CSMD3: variants seen among roughly 807,000 people sequenced by gnomAD.
CSMD3 encodes CUB and Sushi multiple domains 3.
Under a neutral mutation model 435.2 loss-of-function variants are expected in CSMD3, and 177 were observed. The ratio of observed to expected loss-of-function variants is 0.41; its 90% CI spans 0.36 to 0.46. The LOEUF is 0.46. Among genes scored for constraint, CSMD3 ranks in the 20% least tolerant of loss-of-function variants. The probability of loss-of-function intolerance (pLI) is 0.34; values close to 1 mark genes in which losing one functional copy is unlikely to be tolerated. For missense variants in CSMD3, 4,265 were observed against 4,504.6 expected (o/e 0.95, Z 1.52); for synonymous variants, 1,656 against 1,520.5 (o/e 1.09, Z -2.07).
intron 31 of CSMD3, among the ~76,000 whole-genome samples, chr8:112,476,144 C>G (rs1819026954): frequency 6.6e-6 from 1 of 152,092 alleles, no homozygotes; most frequent in South Asian, 2.1e-4. Flanking sequence ...CTCCCAGGTT[C>G]AAGAGATTCT....
intron 1 of CSMD3, among the ~76,000 whole-genome samples, chr8:113,326,181 T>C (rs1028501931): frequency 1.6e-4 from 24 of 152,184 alleles, no homozygotes; most frequent in African/African-American, 5.5e-4. Context: ...AATGTTCACA[T>C]CTTAGACTCC....
At chr8:112,745,998 G>A (rs1156677009) in intron 13 of CSMD3, among the ~76,000 whole-genome samples, 1 of 151,974 alleles carries the variant, frequency 6.6e-6, no homozygotes, top group Admixed American at 6.6e-5. Flanking sequence ...ATGATCAAAC[G>A]GCAGTTGACA....
At chr8:112,766,192 A>T (rs1273436507) in intron 13 of CSMD3, among the ~76,000 whole-genome samples, 1 of 151,820 alleles carries the variant, frequency 6.6e-6, no homozygotes, top group Non-Finnish European at 1.5e-5. Flanking sequence ...AAACAAAGTA[A>T]CTTCAAAAAA....
In CSMD3 at chr8:112,366,669, A is replaced by T. The variant is rs1827809983; in HGVS notation, c.6136+13683T>A. On this transcript the variant is annotated intron_variant, in intron 38 of 70. Coordinates refer to ENST00000297405, the MANE Select transcript of CSMD3 (RefSeq NM_198123.2). ...CGCCTTGGCCTCCCAAAGTGCTGGG[A>T]TTACAGGTGTGAGCCACCACACCCA... Among the ~76,000 whole-genome samples the T allele has an allele frequency of 1.3e-5, 2 of 152,174 alleles. 1 individual carries two copies. Among genetic ancestry groups the T allele is most frequent in the South Asian group, 4.1e-4 (2 of 4,826 alleles).
chr8:112,498,779 G>T (rs1023371665), intron 30 of CSMD3, among the ~76,000 whole-genome samples: 6 of 151,820 alleles, frequency 4.0e-5, no homozygotes, highest in Non-Finnish European at 8.8e-5. Flanking sequence ...CTTTCAGCTT[G>T]CAGGTATAAG....
rs557495900 is a variant in CSMD3, at chr8:112,373,818, G to A, written c.6136+6534C>T. Among the ~76,000 whole-genome samples the A allele has an allele frequency of 2.0e-4, 31 of 152,248 alleles. 1 individual carries two copies. The South Asian group carries it at 6.4e-3, about 32-fold the overall frequency. ...GGAATCGATGTGGTGCTTGGGTAGA[G>A]GGCACTGTATTCGCTGGAGTTTCTG... On this transcript the variant is annotated intron_variant, in intron 38 of 70. Coordinates refer to ENST00000297405, the MANE Select transcript of CSMD3 (RefSeq NM_198123.2).
At chr8:112,756,608 ACAAT>A (rs1465308753) in intron 13 of CSMD3, among the ~76,000 whole-genome samples, 11 of 152,160 alleles carry the variant, frequency 7.2e-5, no homozygotes, top group Non-Finnish European at 1.2e-4. Context: ...TTCTTAGAAA[ACAAT>A]CAGTTAATAA....
chr8:112,651,833 G>A (rs1010597197), intron 18 of CSMD3, among the ~76,000 whole-genome samples: 36 of 151,504 alleles, frequency 2.4e-4, no homozygotes, highest in Non-Finnish European at 2.9e-5. Flanking sequence ...ACTGCACCTG[G>A]CCAGCACCCA....
chr8:113,243,743 T>C (rs1388235249), intron 3 of CSMD3, among the ~76,000 whole-genome samples: 1 of 152,176 alleles, frequency 6.6e-6, no homozygotes, highest in Non-Finnish European at 1.5e-5. Context: ...TGCACAAGGA[T>C]TCCAATTTCT....
intron 1 of CSMD3, among the ~76,000 whole-genome samples, chr8:113,355,749 T>TATATATATACAC (rs1357514892): frequency 5.7e-4 from 46 of 81,312 alleles, no homozygotes; most frequent in South Asian, 1.2e-3. Context: ...TATATATATA[T>TATATATATACAC]ACACACACAC....
intron 5 of CSMD3, among the ~76,000 whole-genome samples, chr8:113,094,740 A>C (rs1010334844): frequency 2.0e-5 from 3 of 152,168 alleles, no homozygotes; most frequent in African/African-American, 7.2e-5. Context: ...TCCCAAGGAC[A>C]CTGATCTGAT....
intron 23 of CSMD3, among the ~76,000 whole-genome samples, chr8:112,584,227 A>G (rs1488027940): frequency 6.6e-6 from 1 of 151,822 alleles, no homozygotes; most frequent in Non-Finnish European, 1.5e-5. Flanking sequence ...CATAATTACT[A>G]CATTGATGGT....
At chr8:112,464,898 C>G (rs1338152904) in intron 32 of CSMD3, among the ~76,000 whole-genome samples, 1 of 152,140 alleles carries the variant, frequency 6.6e-6, no homozygotes. Flanking sequence ...AAGTATGCCT[C>G]ATTTTAATCA....
chr8:113,308,773 A>G (rs998503306), intron 2 of CSMD3, among the ~76,000 whole-genome samples: 3 of 152,158 alleles, frequency 2.0e-5, no homozygotes, highest in Non-Finnish European at 2.9e-5. Flanking sequence ...ACCCCGTATA[A>G]GTGAACTTTA....
intron 22 of CSMD3, among the ~76,000 whole-genome samples, chr8:112,615,077 G>A (rs1458214279): frequency 6.6e-6 from 1 of 151,978 alleles, no homozygotes; most frequent in African/African-American, 2.4e-5. Context: ...ACAGTTTAAA[G>A]TTTGTACCTA....
intron 10 of CSMD3, among the ~76,000 whole-genome samples, chr8:112,881,374 T>G (rs2081443833): frequency 1.3e-5 from 2 of 152,060 alleles, no homozygotes. Context: ...ACAAAGCATG[T>G]TAAAAATCTG....
chr8:112,953,642 T>A (rs2083906267), intron 8 of CSMD3, among the ~76,000 whole-genome samples: 1 of 151,396 alleles, frequency 6.6e-6, no homozygotes, highest in Admixed American at 6.6e-5. Context: ...ATATTTGATA[T>A]AAGACTCCAA....
intron 3 of CSMD3, among the ~76,000 whole-genome samples, chr8:113,237,280 G>A (rs541544475): frequency 4.7e-4 from 72 of 152,258 alleles, no homozygotes; most frequent in Non-Finnish European, 9.0e-4. Flanking sequence ...CAACTGATTG[G>A]ATTCAAATAG....
intron 5 of CSMD3, among the ~76,000 whole-genome samples, chr8:113,077,467 C>T (rs969883665): frequency 6.6e-6 from 1 of 151,958 alleles, no homozygotes; most frequent in African/African-American, 2.4e-5. Flanking sequence ...TTTGGGAGGC[C>T]GAAACGGGTG....
Sources: allele counts gnomAD v4.1 joint callset (sites outside exome capture counted in the v4.1 genomes callset), GRCh38; gene constraint gnomAD v4.1.1; transcripts MANE v1.5; gene names NCBI Gene and HGNC (gene_info 2026-07-23, HGNC 2026-07-21).